SENP6: variants seen among roughly 807,000 people sequenced by gnomAD.
The protein encoded by SENP6 is sentrin-specific protease 6.
A neutral mutation model predicts 134.5 loss-of-function variants in SENP6; 41 were observed. The ratio of observed to expected loss-of-function variants is 0.30; its 90% confidence interval spans 0.24 to 0.40. The LOEUF is 0.40. Ranked by LOEUF, SENP6 falls within the 10% of genes least tolerant of loss-of-function variation. The probability of loss-of-function intolerance (pLI) is 1.00; values close to 1 mark genes in which losing one functional copy is unlikely to be tolerated. For missense variants in SENP6, 1,248 were observed against 1,312.5 expected (o/e 0.95, Z 0.76); for synonymous variants, 395 against 429.8 (o/e 0.92, Z 1.00).
intron 16 of SENP6, among the ~76,000 whole-genome samples, chr6:75,686,547 C>G (rs1402948107): frequency 1.3e-5 from 2 of 152,182 alleles, no homozygotes; most frequent in Non-Finnish European, 2.9e-5. Context: ...TTGTTTCTTT[C>G]CATGTTTAGT....
chr6:75,685,089 C>G (rs929672862), intron 16 of SENP6, among the ~76,000 whole-genome samples: 4 of 152,084 alleles, frequency 2.6e-5, no homozygotes, highest in African/African-American at 9.7e-5. Context: ...TGTTACTGGT[C>G]TATTTAGAGA....
chr6:75,644,472 TTTC>T (rs1470143003), intron 6 of SENP6, among the ~76,000 whole-genome samples: 2 of 103,034 alleles, frequency 1.9e-5, no homozygotes, highest in South Asian at 7.4e-4. Context: ...AATTTCTTTC[TTTC>T]TTTTTTTTTT....
In SENP6 at chr6:75,677,150, C is replaced by G. The variant is rs376420938; in HGVS notation, c.1742C>G (p.Ala581Gly). 1 of 1,611,766 alleles carries G rather than the reference C, an allele frequency of 6.2e-7. No homozygotes were observed. The highest frequency in any genetic ancestry group is 8.5e-7 in the Non-Finnish European group (1 of 1,178,802). The change falls in exon 14 of 24, where the codon GCG (alanine) becomes GGG (glycine). Residue 581 changes from alanine to glycine, a missense_variant. Ala to Gly is a moderately conservative substitution (Grantham distance 60). This residue lies in a region of SENP6 where 733 missense variants were observed against 725.4 expected (regional missense o/e 1.01). Coordinates refer to ENST00000447266, the MANE Select transcript of SENP6 (RefSeq NM_015571.4). ...AAGAATAACATCTCCAATTTTTTTG[C>G]GAAAATTCCCTTTGAAGAAGCTAAT... ...GIKNNISNFF[A>G]KIPFEEANGR...
chr6:75,705,738 TTC>T (rs1210424234), intron 19 of SENP6, among the ~76,000 whole-genome samples: 5 of 119,584 alleles, frequency 4.2e-5, no homozygotes, highest in Admixed American at 1.6e-4. Flanking sequence ...TACATTTTTC[TTC>T]TTTTTTTTTA....
At position 75,713,560 on chromosome 6, in the gene SENP6, ATGT is replaced by A; in HGVS notation, c.2961_2963del (p.Val988del). The stretch of plus-strand genomic sequence containing the variant: ...TCACTCCGAGGCCCTTCTCGGTCAA[ATGT>A]TGTCAAAATTTTAAGAGAGTAAGTT... On this transcript the variant is annotated inframe_deletion, in exon 22 of 24. Coordinates refer to ENST00000447266, the MANE Select transcript of SENP6 (RefSeq NM_015571.4). 6.2e-7 allele frequency: 1 copy of A among 1,613,810 alleles called. No homozygotes were observed. Among genetic ancestry groups the A allele is most frequent in the Non-Finnish European group, 8.5e-7 (1 of 1,179,846 alleles).
intron 11 of SENP6, among the ~76,000 whole-genome samples, chr6:75,671,840 C>T (rs1373325296): frequency 6.6e-6 from 1 of 151,888 alleles, no homozygotes; most frequent in Non-Finnish European, 1.5e-5. Context: ...TTCTAGGATA[C>T]AATATGATCA....
chr6:75,615,090 C>T (rs1444816003), intron 1 of SENP6, among the ~76,000 whole-genome samples: 2 of 152,092 alleles, frequency 1.3e-5, no homozygotes, highest in Non-Finnish European at 2.9e-5. Flanking sequence ...AGGGTTTCAC[C>T]ATGTTGGCCA....
chr6:75,602,810 A>G (rs1402113760), intron 1 of SENP6, among the ~76,000 whole-genome samples: 5 of 152,322 alleles, frequency 3.3e-5, no homozygotes, highest in South Asian at 2.1e-4. Flanking sequence ...GGATTGAGCT[A>G]CGAGCCAGAG....
chr6:75,700,447 T>C (rs1774949722), intron 18 of SENP6, among the ~76,000 whole-genome samples: 1 of 152,200 alleles, frequency 6.6e-6, no homozygotes, highest in African/African-American at 2.4e-5. Context: ...TTATTACAGC[T>C]GTAGGTTGAG....
rs1267432522 is a variant in SENP6, at chr6:75,716,799, A to G, written c.*1205A>G. ...TTTTTGTTAAATATTGAATTTTTAA[A>G]TACACATATATCAAAAATAGTTGAG... On this transcript the variant is annotated 3_prime_UTR_variant, in exon 24 of 24. Coordinates refer to ENST00000447266, the MANE Select transcript of SENP6 (RefSeq NM_015571.4). 27 of 151,980 alleles carry G rather than the reference A, an allele frequency of 1.8e-4. No homozygotes were observed. The highest frequency in any genetic ancestry group is 1.8e-3 in the Admixed American group (27 of 15,256). The allele number at this position is 151,980 out of a possible 1,614,324, so 9.4% of individuals were successfully genotyped here.
Position 75,713,878 on chromosome 6 carries a change from G to A in SENP6, c.3129+53G>A, listed in dbSNP as rs191708755. On this transcript the variant is annotated intron_variant, in intron 23 of 23. Coordinates refer to ENST00000447266, the MANE Select transcript of SENP6 (RefSeq NM_015571.4). ...TAATAAATAATAAAATAGTGCATTTGACTTTACCTTAGTAAAAAACACAAT... is the reference window on the plus strand; with the variant it reads ...TAATAAATAATAAAATAGTGCATTTAACTTTACCTTAGTAAAAAACACAAT... 657 of 1,286,886 alleles carry A rather than the reference G, an allele frequency of 5.1e-4. 5 individuals carry two copies. The African/African-American group carries it at 9.2e-3, about 18-fold the overall frequency. 79.7% of individuals were successfully genotyped at this position (1,286,886 alleles called of 1,614,324 possible).
rs188742138 is a variant in SENP6 at position 75,713,844 on chromosome 6, G to T, written c.3129+19G>T. On this transcript the variant is annotated intron_variant, in intron 23 of 23. Transcript: ENST00000447266. The stretch of plus-strand genomic sequence containing the variant: ...TTTTGAGGTGGGTTTCAATTTGTTG[G>T]ATCTGCTATAATAAATAATAAAATA... The T allele has an allele frequency of 1.7e-3, 2,610 of 1,529,670 alleles. 2 individuals are homozygous for T. The highest frequency in any genetic ancestry group is 2.1e-3 in the Admixed American group (105 of 50,322). 94.8% of individuals were successfully genotyped at this position (1,529,670 alleles called of 1,614,324 possible).
Position 75,603,128 on chromosome 6 carries a change from C to T in SENP6, c.52+552C>T, listed in dbSNP as rs115079723. Among the ~76,000 whole-genome samples the T allele has an allele frequency of 6.8e-3, 1,041 of 152,208 alleles. 14 individuals carry two copies. Among genetic ancestry groups the T allele is most frequent in the African/African-American group, 0.024 (994 of 41,510 alleles). On this transcript the variant is annotated intron_variant, in intron 1 of 23. Transcript: ENST00000447266. ...CGGAATGTGTTTTTATAAAAATATTCTGTAAAATAATTTATCTGGAAAAAG... is the reference window on the plus strand; with the variant it reads ...CGGAATGTGTTTTTATAAAAATATTTTGTAAAATAATTTATCTGGAAAAAG...
chr6:75,705,868 T>C (rs923020298), intron 19 of SENP6, among the ~76,000 whole-genome samples: 1 of 149,726 alleles, frequency 6.7e-6, no homozygotes, highest in Non-Finnish European at 1.5e-5. Context: ...TGGAACATAC[T>C]CCTGTTACTT....
chr6:75,710,162 A>T (rs1297095318), intron 20 of SENP6, among the ~76,000 whole-genome samples: 1 of 151,762 alleles, frequency 6.6e-6, no homozygotes, highest in African/African-American at 2.4e-5. Flanking sequence ...CAAAAATATT[A>T]TATTGTTTTC....
intron 16 of SENP6, among the ~76,000 whole-genome samples, chr6:75,695,453 G>A (rs1774592749): frequency 6.6e-6 from 1 of 152,176 alleles, no homozygotes; most frequent in Non-Finnish European, 1.5e-5. Context: ...AAAGCGAACT[G>A]TGGCCGGGCG....
rs540011492 is a variant in SENP6 at position 75,664,226 on chromosome 6, G to A, written c.994+708G>A. ...GAATTGCTTGAGTCCAGGAGTTGAA[G>A]TGTAGCCAGGGCAATATAGTAGGAC... On this transcript the variant is annotated intron_variant, in intron 9 of 23. Coordinates refer to ENST00000447266, the MANE Select transcript of SENP6 (RefSeq NM_015571.4). Among the ~76,000 whole-genome samples, 6 of 151,612 alleles carry A rather than the reference G, an allele frequency of 4.0e-5. No individual in the cohort carries two copies. In the South Asian group the frequency reaches 1.2e-3, roughly 32 times the overall value.
Position 75,675,925 on chromosome 6 carries a change from A to G in SENP6, c.1492A>G (p.Asn498Asp). ...TSDLTKCEWC[N>D]VRKLPVVFLQ... ...TGATCTAACTAAATGTGAATGGTGT[A>G]ATGTCCGAAAATTACCTGTAGTGTT... The change falls in exon 13 of 24, where the codon AAT becomes GAT. Residue 498 changes from asparagine (N) to aspartate (D), a missense_variant. By Grantham distance (23) the Asn-to-Asp change is conservative. This residue lies in a region of SENP6 where 733 missense variants were observed against 725.4 expected (regional missense o/e 1.01). Coordinates refer to ENST00000447266, the MANE Select transcript of SENP6 (RefSeq NM_015571.4). 6.2e-7 allele frequency: 1 copy of G among 1,612,480 alleles called. No homozygotes were observed. Among genetic ancestry groups the G allele is most frequent in the Non-Finnish European group, 8.5e-7 (1 of 1,179,210 alleles).
intron 9 of SENP6, among the ~76,000 whole-genome samples, chr6:75,665,423 A>G (rs899363695): frequency 4.6e-5 from 7 of 152,216 alleles, no homozygotes; most frequent in African/African-American, 1.7e-4. Context: ...CTGGAGGATA[A>G]AGAGACAAAA....
Sources: gnomAD v4.1 joint callset for allele counts (sites outside exome capture counted in the v4.1 genomes callset) on GRCh38, gnomAD v4.1.1 for gene constraint, gnomAD v4.1.1 regional missense constraint, MANE v1.5 for transcripts, NCBI Gene and HGNC (gene_info 2026-07-23, HGNC 2026-07-21) for gene names.